The following FAM117B variants were observed in gnomAD, a reference collection of about 807,000 sequenced individuals.
The protein encoded by FAM117B is protein FAM117B.
FAM117B carries 22 observed loss-of-function variants against 52.8 expected under a neutral mutation model. The observed-to-expected ratio is 0.42, with a 90% confidence interval of 0.30 to 0.59. The LOEUF (loss-of-function observed/expected upper bound fraction) is 0.59, where lower values mean the gene tolerates loss of function less well. FAM117B is among the 20% of genes least tolerant of loss of function. The probability of loss-of-function intolerance (pLI) is 0.22; values close to 1 mark genes in which losing one functional copy is unlikely to be tolerated. For missense variants in FAM117B, 678 were observed against 802.6 expected (o/e 0.84, Z 1.88); for synonymous variants, 309 against 324.1 (o/e 0.95, Z 0.50).
At chr2:202,641,966 G>A (rs1246723933) in intron 1 of FAM117B, among the ~76,000 whole-genome samples, 4 of 141,972 alleles carry the variant, frequency 2.8e-5, no homozygotes, top group South Asian at 2.2e-4. Context: ...TTTTTTTATC[G>A]GAGTCTTACT....
intron 2 of FAM117B, among the ~76,000 whole-genome samples, chr2:202,698,352 T>G (rs376449212): frequency 6.6e-6 from 1 of 152,246 alleles, no homozygotes; most frequent in African/African-American, 2.4e-5. Context: ...GTTTATACTT[T>G]AGTGCAAACT....
At chr2:202,682,551 G>C (rs1213250131) in intron 1 of FAM117B, among the ~76,000 whole-genome samples, 2 of 152,154 alleles carry the variant, frequency 1.3e-5, no homozygotes, top group Non-Finnish European at 2.9e-5. Flanking sequence ...ATACATCCCT[G>C]TTACTGCCTG....
At chr2:202,641,430 A>G (rs994387405) in intron 1 of FAM117B, among the ~76,000 whole-genome samples, 4 of 152,206 alleles carry the variant, frequency 2.6e-5, no homozygotes, top group Non-Finnish European at 4.4e-5. Flanking sequence ...AAAGTATTCC[A>G]TGGTTAATAG....
chr2:202,718,327 A>G (rs1190743418), intron 2 of FAM117B, among the ~76,000 whole-genome samples: 1 of 152,174 alleles, frequency 6.6e-6, no homozygotes, highest in Non-Finnish European at 1.5e-5. Flanking sequence ...TTCATTGAAT[A>G]TGGTGTTAGC....
At chr2:202,698,896 C>T (rs539778972) in intron 2 of FAM117B, among the ~76,000 whole-genome samples, 1 of 152,264 alleles carries the variant, frequency 6.6e-6, no homozygotes, top group Admixed American at 6.5e-5. Flanking sequence ...TTGAGCATTT[C>T]TACAGCACCC....
chr2:202,667,794 T>G (rs571943453), intron 1 of FAM117B, among the ~76,000 whole-genome samples: 35 of 152,194 alleles, frequency 2.3e-4, no homozygotes, highest in African/African-American at 8.2e-4. Context: ...TGGAGGCCTT[T>G]GGGATATTGA....
intron 4 of FAM117B, among the ~76,000 whole-genome samples, chr2:202,754,888 CA>C (rs149747057): frequency 8.3e-4 from 71 of 85,688 alleles, no homozygotes; most frequent in Admixed American, 8.1e-4. Context: ...AGATTCGTCT[CA>C]AAAAAAAAAA....
At chr2:202,644,998 T>C (rs1213800303) in intron 1 of FAM117B, among the ~76,000 whole-genome samples, 2 of 152,238 alleles carry the variant, frequency 1.3e-5, no homozygotes, top group Admixed American at 6.5e-5. Context: ...CTTTCTGTTA[T>C]CTTTGTTTTT....
chr2:202,744,741 A>G (rs549548214), intron 4 of FAM117B, among the ~76,000 whole-genome samples: 2 of 151,590 alleles, frequency 1.3e-5, no homozygotes, highest in East Asian at 3.9e-4. Context: ...TGGGAGTACA[A>G]GGTGGGCAGA....
intron 4 of FAM117B, among the ~76,000 whole-genome samples, chr2:202,741,515 G>A (rs1293016927): frequency 5.5e-5 from 8 of 145,616 alleles, no homozygotes; most frequent in South Asian, 2.2e-4. Flanking sequence ...GAAAACCTCC[G>A]AGAATCAATA....
At chr2:202,712,614 C>T (rs572153963) in intron 2 of FAM117B, among the ~76,000 whole-genome samples, 1 of 152,134 alleles carries the variant, frequency 6.6e-6, no homozygotes, top group South Asian at 2.1e-4. Flanking sequence ...AGTGGGCATC[C>T]TTGTCATATT....
intron 4 of FAM117B, among the ~76,000 whole-genome samples, chr2:202,743,809 G>A (rs1691587508): frequency 6.6e-6 from 1 of 152,168 alleles, no homozygotes; most frequent in South Asian, 2.1e-4. Flanking sequence ...TCAACTTGAA[G>A]ACAGGTCTTT....
At chr2:202,747,107 T>A (rs1475802537) in intron 4 of FAM117B, among the ~76,000 whole-genome samples, 1 of 152,140 alleles carries the variant, frequency 6.6e-6, no homozygotes, top group Non-Finnish European at 1.5e-5. Context: ...ATTCCAGTGA[T>A]GCAAAGATGG....
At chr2:202,678,300 G>A (rs1190115481) in intron 1 of FAM117B, among the ~76,000 whole-genome samples, 1 of 152,140 alleles carries the variant, frequency 6.6e-6, no homozygotes, top group African/African-American at 2.4e-5. Flanking sequence ...CCCTGTGTGC[G>A]GTAGAAAAGT....
intron 4 of FAM117B, among the ~76,000 whole-genome samples, chr2:202,754,411 A>G (rs191219822): frequency 1.5e-4 from 23 of 152,290 alleles, no homozygotes; most frequent in African/African-American, 5.1e-4. Flanking sequence ...AGGACTGGTC[A>G]ATAGGTGCAG....
chr2:202,661,164 C>T (rs965192095), intron 1 of FAM117B, among the ~76,000 whole-genome samples: 2 of 152,198 alleles, frequency 1.3e-5, no homozygotes, highest in African/African-American at 4.8e-5. Flanking sequence ...CCAAATCTAG[C>T]TGCCATTATT....
intron 1 of FAM117B, among the ~76,000 whole-genome samples, chr2:202,670,787 A>C (rs1265003819): frequency 6.6e-6 from 1 of 152,200 alleles, no homozygotes; most frequent in Non-Finnish European, 1.5e-5. Context: ...AGAATGAATT[A>C]TTGTTATTAG....
chr2:202,648,906 C>T (rs948104280), intron 1 of FAM117B, among the ~76,000 whole-genome samples: 1 of 151,936 alleles, frequency 6.6e-6, no homozygotes, highest in East Asian at 1.9e-4. Flanking sequence ...GGACTACAGG[C>T]GCACACCTGG....
intron 1 of FAM117B, among the ~76,000 whole-genome samples, chr2:202,691,663 G>GTA (rs199567856): frequency 0.01 from 1,482 of 145,620 alleles, 18 homozygotes; most frequent in East Asian, 0.037. Flanking sequence ...GTGTGTGTGT[G>GTA]TGTGTGTGTG....
Sources: gnomAD v4.1 joint callset for allele counts (sites outside exome capture counted in the v4.1 genomes callset) on GRCh38, gnomAD v4.1.1 for gene constraint, MANE v1.5 for transcripts, NCBI Gene and HGNC (gene_info 2026-07-23, HGNC 2026-07-21) for gene names.